Variants in TRIM67 observed in about 807,000 individuals in gnomAD.
TRIM67 encodes tripartite motif containing 67.
A neutral mutation model predicts 71.0 loss-of-function variants in TRIM67; 39 were observed. The ratio of observed to expected loss-of-function variants is 0.55; its 90% CI spans 0.43 to 0.72. The LOEUF is 0.72. TRIM67 is among the 30% of genes least tolerant of loss of function. The pLI, the probability that TRIM67 is intolerant of heterozygous loss-of-function variation, is 0.00. For missense variants in TRIM67, 973 were observed against 1,079.2 expected, an observed-to-expected ratio of 0.90 and a Z score of 1.38; for synonymous variants, 481 against 473.9, an observed-to-expected ratio of 1.01 and a Z score of -0.19.
At chr1:231,197,257 A>C in intron 1 of TRIM67, 114 bp from the exon 2 acceptor site, 1 of 737,274 alleles carries the variant, frequency 1.4e-6, no homozygotes, top group Non-Finnish European at 2.3e-6. Flanking sequence ...AGAACAGCAG[A>C]TGCGTGGGAT....
intron 8 of TRIM67, among the ~76,000 whole-genome samples, chr1:231,210,128 G>A (rs903936607): frequency 8.5e-5 from 13 of 152,178 alleles, no homozygotes; most frequent in African/African-American, 3.1e-4. Flanking sequence ...ATGGAGAGTT[G>A]CAAGTTGCAG....
At chr1:231,184,099 G>A (rs1372792501) in intron 1 of TRIM67, 3 of 152,182 alleles carry the variant, frequency 2.0e-5, no homozygotes, top group Non-Finnish European at 4.4e-5. Context: ...GAAAAGGAAT[G>A]TTTTTAAAAA....
Position 231,211,051 on chromosome 1 carries a change from T to TTG in TRIM67, c.2123+1802_2123+1803insGT, listed in dbSNP as rs1553328758. On this transcript the variant is annotated intron_variant, in intron 8 of 9. Coordinates refer to ENST00000366653, the MANE Select transcript of TRIM67 (RefSeq NM_001004342.5). ...AAAAAAATATATATATATATATATA[T>TTG]TTTGTTTGTTTGTTTAATATATATA... Among the ~76,000 whole-genome samples, 127 of 108,794 alleles carry TTG rather than the reference T, an allele frequency of 1.2e-3. 1 individual carries two copies. Among genetic ancestry groups the TTG allele is most frequent in the African/African-American group, 3.6e-3 (124 of 34,450 alleles). 71.4% of individuals were successfully genotyped at this position (108,794 alleles called of 152,430 possible).
chr1:231,211,573 C>T (rs1163936296), intron 8 of TRIM67, among the ~76,000 whole-genome samples: 2 of 152,236 alleles, frequency 1.3e-5, no homozygotes, highest in East Asian at 1.9e-4. Context: ...GGATCCCGCC[C>T]CGGGCACCCT....
chr1:231,203,829 G>C, intron 5 of TRIM67, 38 bp from the exon 6 acceptor site: 2 of 1,595,088 alleles, frequency 1.3e-6, no homozygotes, highest in South Asian at 2.2e-5. Context: ...GGCCCTCGGA[G>C]GGCTTCCTGC....
intron 1 of TRIM67, among the ~76,000 whole-genome samples, chr1:231,194,146 C>A (rs1683307746): frequency 6.6e-6 from 1 of 152,176 alleles, no homozygotes; most frequent in Non-Finnish European, 1.5e-5. Flanking sequence ...TCTGTTGCTG[C>A]AGCCCGAGCT....
chr1:231,179,563 A>T (rs1293912905), intron 1 of TRIM67, among the ~76,000 whole-genome samples: 2 of 152,120 alleles, frequency 1.3e-5, no homozygotes, highest in Non-Finnish European at 2.9e-5. Context: ...AATTTTTTGA[A>T]TTTTTGCAAT....
intron 9 of TRIM67, 121 bp from the exon 10 acceptor site, chr1:231,215,254 C>T: frequency 7.1e-7 from 1 of 1,414,426 alleles, no homozygotes; most frequent in Non-Finnish European, 9.4e-7. Flanking sequence ...CAGCCCTGAG[C>T]TATTGCATGG....
intron 2 of TRIM67, among the ~76,000 whole-genome samples, chr1:231,198,378 T>G (rs1305099882): frequency 9.2e-5 from 14 of 151,924 alleles, no homozygotes; most frequent in Admixed American, 9.2e-4. Flanking sequence ...TCTGGAGGAA[T>G]AAGAGGGACT....
intron 1 of TRIM67, chr1:231,187,422 T>A: frequency 9.2e-7 from 1 of 1,091,808 alleles, no homozygotes; most frequent in Non-Finnish European, 1.3e-6. Context: ...TCATTTACAT[T>A]TCTCATTTAT....
At chr1:231,205,463 CA>C (rs1281307728) in intron 6 of TRIM67, among the ~76,000 whole-genome samples, 1 of 152,172 alleles carries the variant, frequency 6.6e-6, no homozygotes, top group Non-Finnish European at 1.5e-5. Context: ...CGGTGGCTCA[CA>C]CCCGTAATCC....
intron 1 of TRIM67, among the ~76,000 whole-genome samples, chr1:231,195,904 G>A (rs936299583): frequency 1.3e-5 from 2 of 152,206 alleles, no homozygotes; most frequent in Admixed American, 1.3e-4. Flanking sequence ...GATGTTGCTG[G>A]TCTAGAACCA....
Position 231,215,433 on chromosome 1 carries a change from G to T in TRIM67, c.2345G>T (p.Gly782Val), listed in dbSNP as rs1220261840. The T allele has an allele frequency of 6.2e-7, 1 of 1,609,936 alleles. No homozygotes were observed. Among genetic ancestry groups the T allele is most frequent in the Non-Finnish European group, 8.5e-7 (1 of 1,177,716 alleles). Residue 782 changes from glycine (G) to valine (V), a missense_variant, in exon 10 of 10, where the codon GGC (glycine) becomes GTC (valine). By Grantham distance (109) the Gly-to-Val change is moderately radical. This residue lies in a region of TRIM67 where 178 missense variants were observed against 247.9 expected (regional missense o/e 0.72). Coordinates refer to ENST00000366653, the MANE Select transcript of TRIM67 (RefSeq NM_001004342.5). ...AACCTGGGGCGGCCAAAGCTGTCAG[G>T]CAATTAGCCCCGCTCCAGCTCGGCA... Reference protein sequence around the residue: ...PTNLGRPKLSGN With the variant: ...PTNLGRPKLSVN
At chr1:231,205,656 G>T (rs1442430588) in intron 6 of TRIM67, among the ~76,000 whole-genome samples, 1 of 151,268 alleles carries the variant, frequency 6.6e-6, no homozygotes, top group Non-Finnish European at 1.5e-5. Flanking sequence ...AACTTGGAAG[G>T]CAAAGATTGT....
In TRIM67 at chr1:231,215,434, C is replaced by T; in HGVS notation, c.2346C>T (p.Gly782=). 1.2e-6 allele frequency: 2 copies of T among 1,609,420 alleles called. No homozygotes were observed. The highest frequency in any genetic ancestry group is 1.7e-6 in the Non-Finnish European group (2 of 1,177,462). The part of the protein sequence containing the change: ...PTNLGRPKLS[G]N ...ACCTGGGGCGGCCAAAGCTGTCAGG[C>T]AATTAGCCCCGCTCCAGCTCGGCAC... Residue 782 remains glycine (G), a synonymous_variant, in exon 10 of 10, where the codon GGC becomes GGT. Coordinates refer to ENST00000366653, the MANE Select transcript of TRIM67 (RefSeq NM_001004342.5).
intron 1 of TRIM67, among the ~76,000 whole-genome samples, chr1:231,176,912 A>AAAAAAAAAACAAAAAAAAAC (rs1030731643): frequency 6.7e-6 from 1 of 150,050 alleles, no homozygotes; most frequent in African/African-American, 2.5e-5. Context: ...CTGGCAAAAA[A>AAAAAAAAAACAAAAAAAAAC]AAAAAAAAAA....
intron 1 of TRIM67, among the ~76,000 whole-genome samples, chr1:231,176,441 G>C (rs897224603): frequency 6.6e-6 from 1 of 152,062 alleles, no homozygotes; most frequent in Non-Finnish European, 1.5e-5. Context: ...GATGATGCTT[G>C]AGCTGGGGTC....
intron 1 of TRIM67, among the ~76,000 whole-genome samples, chr1:231,174,812 A>C (rs1257772212): frequency 2.0e-5 from 3 of 152,156 alleles, no homozygotes; most frequent in Admixed American, 6.5e-5. Context: ...GCTTTCTTGA[A>C]ATTTATAAAC....
At chr1:231,193,222 G>C (rs1056635730) in intron 1 of TRIM67, among the ~76,000 whole-genome samples, 1 of 152,198 alleles carries the variant, frequency 6.6e-6, no homozygotes, top group African/African-American at 2.4e-5. Context: ...TTCAGCCGGG[G>C]AGCATTCTTT....
Sources: allele counts gnomAD v4.1 joint callset (sites outside exome capture counted in the v4.1 genomes callset), GRCh38; gene constraint gnomAD v4.1.1; regional missense constraint gnomAD v4.1.1; transcripts MANE v1.5; gene names NCBI Gene and HGNC (gene_info 2026-07-23, HGNC 2026-07-21).